DDAH1: variants seen among roughly 807,000 people sequenced by gnomAD.
The protein encoded by DDAH1 is dimethylarginine dimethylaminohydrolase 1.
In DDAH1, 19 loss-of-function variants were observed where a neutral mutation model predicts 28.8. The observed-to-expected ratio is 0.66, with a 90% CI of 0.46 to 0.97. The LOEUF (loss-of-function observed/expected upper bound fraction) is 0.97, where lower values mean the gene tolerates loss of function less well. Ranked by LOEUF, DDAH1 falls within the 50% of genes least tolerant of loss-of-function variation. DDAH1 has a pLI of 0.00. For missense variants in DDAH1, 326 were observed against 375.9 expected (o/e 0.87, Z 1.10); for synonymous variants, 153 against 154.4 (o/e 0.99, Z 0.07).
At chr1:85,481,105 T>G (rs900759456) in intron 2 of DDAH1, among the ~76,000 whole-genome samples, 2 of 147,220 alleles carry the variant, frequency 1.4e-5, no homozygotes, top group Admixed American at 6.7e-5. Flanking sequence ...TTTGTTTTTT[T>G]TTTTTTTTTT....
chr1:85,392,790 TAAA>T (rs11314404), intron 1 of DDAH1, among the ~76,000 whole-genome samples: 5 of 109,424 alleles, frequency 4.6e-5, no homozygotes, highest in East Asian at 2.6e-4. Flanking sequence ...AGACTCTGTC[TAAA>T]AAAAAAAAAA....
At chr1:85,479,328 C>A (rs947703373) in intron 2 of DDAH1, among the ~76,000 whole-genome samples, 2 of 151,142 alleles carry the variant, frequency 1.3e-5, no homozygotes, top group African/African-American at 4.9e-5. Context: ...CGCCCGCCAC[C>A]GCGCCCGGCT....
chr1:85,440,645 T>C (rs1654147387), intron 1 of DDAH1, among the ~76,000 whole-genome samples: 1 of 152,252 alleles, frequency 6.6e-6, no homozygotes, highest in Non-Finnish European at 1.5e-5. Context: ...CCAGGGGCTT[T>C]GGTTTTTAAT....
chr1:85,374,491 G>C (rs560162857), intron 1 of DDAH1, among the ~76,000 whole-genome samples: 3 of 152,164 alleles, frequency 2.0e-5, no homozygotes, highest in South Asian at 4.1e-4. Context: ...TCTCTGAGAG[G>C]TTTATTTAAA....
At position 85,464,922 on chromosome 1, in the gene DDAH1, G is replaced by T. The variant is rs144754279; in HGVS notation, c.124C>A (p.Arg42Ser). 7 of 1,553,606 alleles carry T rather than the reference G, an allele frequency of 4.5e-6. No homozygotes were observed. Among genetic ancestry groups the T allele is most frequent in the African/African-American group, 2.8e-5 (2 of 70,858 alleles). Residue 42 changes from arginine (R) to serine (S), a missense_variant, in exon 1 of 6, where the codon CGC (arginine) becomes AGC (serine). Physicochemically the swap from Arg to Ser is moderately radical, Grantham distance 110 (BLOSUM62 -1). Transcript: ENST00000284031. This position sits in a 1 kb window ranked among gnomAD's most constrained non-coding sequence, Gnocchi z 4.4. ...SAKGEEVDVA[R>S]AERQHQLYVG... ...TAGAGCTGGTGCTGCCGTTCCGCGCGGGCGACGTCCACCTCCTCGCCCTTG... is the reference window on the plus strand; with the variant it reads ...TAGAGCTGGTGCTGCCGTTCCGCGCTGGCGACGTCCACCTCCTCGCCCTTG...
At chr1:85,475,269 C>A (rs1280440196) in intron 2 of DDAH1, among the ~76,000 whole-genome samples, 1 of 152,092 alleles carries the variant, frequency 6.6e-6, no homozygotes, top group Non-Finnish European at 1.5e-5. Context: ...AGCTTTGCAG[C>A]ATGTAGATAT....
At chr1:85,399,938 T>C (rs755747431) in intron 1 of DDAH1, 1 of 152,158 alleles carries the variant, frequency 6.6e-6, no homozygotes, top group African/African-American at 2.4e-5. Context: ...GATTCTAGAA[T>C]TGCAATAAAG....
At chr1:85,570,430 A>G (rs1281953607) in intron 1 of DDAH1, among the ~76,000 whole-genome samples, 1 of 151,550 alleles carries the variant, frequency 6.6e-6, no homozygotes, top group Non-Finnish European at 1.5e-5. Flanking sequence ...TTCTTCATAT[A>G]GTCATCTAAC....
At chr1:85,520,652 A>G (rs1657651491) in intron 1 of DDAH1, among the ~76,000 whole-genome samples, 1 of 152,256 alleles carries the variant, frequency 6.6e-6, no homozygotes, top group Admixed American at 6.5e-5. Context: ...GAAGAAGTTC[A>G]TGGATTTCTA....
intron 1 of DDAH1, among the ~76,000 whole-genome samples, chr1:85,454,313 A>G (rs575017466): frequency 2.6e-5 from 4 of 152,330 alleles, no homozygotes; most frequent in African/African-American, 9.6e-5. Flanking sequence ...CTACCAGGCC[A>G]CATAGAACTA....
intron 1 of DDAH1, among the ~76,000 whole-genome samples, chr1:85,420,689 C>T (rs973660123): frequency 6.6e-6 from 1 of 152,138 alleles, no homozygotes; most frequent in African/African-American, 2.4e-5. Context: ...GTCATTTAAC[C>T]AGTCTCTAAG....
chr1:85,481,168 G>A (rs1423662414), intron 2 of DDAH1, among the ~76,000 whole-genome samples: 1 of 137,280 alleles, frequency 7.3e-6, no homozygotes, highest in Non-Finnish European at 1.5e-5. Flanking sequence ...TGCAATCTCA[G>A]CTCACTGCAG....
At chr1:85,331,423 G>GTATGTATATGTATATATATATATATATA (rs111876317) in intron 4 of DDAH1, among the ~76,000 whole-genome samples, 3 of 148,506 alleles carry the variant, frequency 2.0e-5, no homozygotes, top group East Asian at 3.9e-4. Context: ...ATTCATATAT[G>GTATGTATATGTATATATATATATATATA]TATATATATA....
At chr1:85,415,198 T>C (rs1014877181) in intron 1 of DDAH1, among the ~76,000 whole-genome samples, 1 of 151,942 alleles carries the variant, frequency 6.6e-6, no homozygotes, top group African/African-American at 2.4e-5. Flanking sequence ...GTAATTTTAG[T>C]AGAGACAGGG....
chr1:85,531,859 A>T (rs1308062103), intron 1 of DDAH1, among the ~76,000 whole-genome samples: 1 of 148,614 alleles, frequency 6.7e-6, no homozygotes, highest in Non-Finnish European at 1.5e-5. Context: ...GAAGTTAACC[A>T]ATCTGCTTAA....
chr1:85,441,774 C>A (rs1285196062), intron 1 of DDAH1, among the ~76,000 whole-genome samples: 1 of 152,138 alleles, frequency 6.6e-6, no homozygotes, highest in East Asian at 1.9e-4. Flanking sequence ...AACAGTATAC[C>A]TTTCAACTTT....
chr1:85,337,476 T>G (rs531646295), intron 4 of DDAH1, among the ~76,000 whole-genome samples: 1 of 151,404 alleles, frequency 6.6e-6, no homozygotes, highest in African/African-American at 2.4e-5. Flanking sequence ...TTTTTTGAGA[T>G]GTAGTCTCAC....
At chr1:85,474,797 A>G (rs1397694405) in intron 2 of DDAH1, among the ~76,000 whole-genome samples, 1 of 152,150 alleles carries the variant, frequency 6.6e-6, no homozygotes, top group Non-Finnish European at 1.5e-5. Flanking sequence ...TTCAGTTCCT[A>G]TAAAATAAGA....
intron 1 of DDAH1, among the ~76,000 whole-genome samples, chr1:85,423,094 C>CT (rs1398425467): frequency 6.6e-6 from 1 of 152,176 alleles, no homozygotes; most frequent in Non-Finnish European, 1.5e-5. Context: ...TTGTGTGGGT[C>CT]TATTTCTGGG....
Sources: allele counts gnomAD v4.1 joint callset (sites outside exome capture counted in the v4.1 genomes callset), GRCh38; gene constraint gnomAD v4.1.1; non-coding constraint Gnocchi (gnomAD v3.1); transcripts MANE v1.5; gene names NCBI Gene and HGNC (gene_info 2026-07-23, HGNC 2026-07-21).